Variants in VGLL3 observed in about 807,000 individuals in gnomAD.
The protein encoded by VGLL3 is transcription cofactor vestigial-like protein 3.
VGLL3 carries 18 observed loss-of-function variants against 29.2 expected under a neutral mutation model. The observed-to-expected ratio is 0.62, with a 90% CI of 0.43 to 0.91. The LOEUF (loss-of-function observed/expected upper bound fraction) is 0.91, where lower values mean the gene tolerates loss of function less well. VGLL3 is among the 40% of genes least tolerant of loss of function. The pLI is 0.00. For synonymous variants in VGLL3, 180 were observed against 151.8 expected (o/e 1.19, Z -1.36); for missense variants, 440 against 413.2 (o/e 1.06, Z -0.56).
chr3:86,970,711 C>T (rs940826926), intron 2 of VGLL3, among the ~76,000 whole-genome samples: 11 of 152,064 alleles, frequency 7.2e-5, no homozygotes, highest in Non-Finnish European at 1.5e-4. Context: ...GTAAGTGACA[C>T]AGTCAAATCC....
At chr3:86,978,253 C>A (rs1193605582) in intron 2 of VGLL3, among the ~76,000 whole-genome samples, 1 of 152,270 alleles carries the variant, frequency 6.6e-6, no homozygotes, top group East Asian at 1.9e-4. Context: ...AATGGTACTT[C>A]GCAGCTCAGT....
chr3:86,978,145 C>T (rs1705247448), intron 2 of VGLL3, among the ~76,000 whole-genome samples: 1 of 152,214 alleles, frequency 6.6e-6, no homozygotes, highest in African/African-American at 2.4e-5. Context: ...TATGTCACCA[C>T]ATAGCACCTA....
In VGLL3 at chr3:86,945,858, C is replaced by CTGTTTGTTTGTT. The variant is rs150596407; in HGVS notation, c.*1154_*1165dup. Reference sequence around the variant, plus strand: ...TGTGTTGAAACTATTATATATAGAACTGTTTGTTTGTTTGTTTGTTTGTTT... The same window carrying CTGTTTGTTTGTT: ...TGTGTTGAAACTATTATATATAGAACTGTTTGTTTGTTTGTTTGTTTGTTTGTTTGTTTGTTT... On this transcript the variant is annotated 3_prime_UTR_variant, in exon 4 of 4. Coordinates refer to ENST00000398399, the MANE Select transcript of VGLL3 (RefSeq NM_016206.4). The CTGTTTGTTTGTT allele has an allele frequency of 6.6e-6, 1 of 151,656 alleles. No homozygotes were observed. The highest frequency in any genetic ancestry group is 1.5e-5 in the Non-Finnish European group (1 of 67,918). The allele number at this position is 151,656 out of a possible 1,614,324, so 9.4% of individuals were successfully genotyped here.
chr3:86,987,470 T>C (rs1705472089), intron 1 of VGLL3, among the ~76,000 whole-genome samples: 1 of 152,150 alleles, frequency 6.6e-6, no homozygotes, highest in South Asian at 2.1e-4. Context: ...CATGCACAAT[T>C]AGAAAACCAG....
intron 2 of VGLL3, 64 bp from the exon 3 acceptor site, chr3:86,969,187 C>T (rs1397631726): frequency 3.4e-6 from 5 of 1,490,798 alleles, no homozygotes; most frequent in East Asian, 4.6e-5. Context: ...AGACTTGCCT[C>T]TAATTGTCCA....
chr3:86,974,453 C>G (rs1001639891), intron 2 of VGLL3, among the ~76,000 whole-genome samples: 5 of 152,120 alleles, frequency 3.3e-5, no homozygotes, highest in African/African-American at 9.7e-5. Context: ...AAATGAAATT[C>G]TTTCAACCCT....
chr3:86,980,743 C>G (rs189169071), intron 1 of VGLL3, among the ~76,000 whole-genome samples: 2 of 151,848 alleles, frequency 1.3e-5, no homozygotes, highest in African/African-American at 4.8e-5. Flanking sequence ...GCTGCTTCTT[C>G]GGGTGCATGT....
rs1218007358 is a variant in VGLL3, at chr3:86,939,615, C to T, written c.*7409G>A. 1 of 153,156 alleles carries T rather than the reference C, an allele frequency of 6.5e-6. No homozygotes were observed. The highest frequency in any genetic ancestry group is 1.5e-5 in the Non-Finnish European group (1 of 68,938). 9.5% of individuals were successfully genotyped at this position (153,156 alleles called of 1,614,324 possible). On this transcript the variant is annotated 3_prime_UTR_variant, in exon 4 of 4. Coordinates refer to ENST00000398399, the MANE Select transcript of VGLL3 (RefSeq NM_016206.4). The stretch of plus-strand genomic sequence containing the variant: ...ACTCCAGCCTGACGACAGAGCAAGA[C>T]TCCATCAAAACAAAACAAAACAAAA...
chr3:86,990,683 TG>T lies in VGLL3; in HGVS notation c.60del (p.Asn21ThrfsTer25). 7.2e-7 allele frequency: 1 copy of T among 1,395,982 alleles called. No individual in the cohort carries two copies. Among genetic ancestry groups the T allele is most frequent in the Non-Finnish European group, 9.3e-7 (1 of 1,070,360 alleles). 86.5% of individuals were successfully genotyped at this position (1,395,982 alleles called of 1,614,324 possible). ...GGGCAGGTTGTCGCTGCCATGGGGT[TG>T]GGCAGATACTGGGACGCTCCATAAG... is the stretch of plus-strand genomic sequence containing the variant. ...PQPYGASQYL[P>X]NPMAATTCPT... On this transcript the variant is annotated frameshift_variant, in exon 1 of 4. Coordinates refer to ENST00000398399, the MANE Select transcript of VGLL3 (RefSeq NM_016206.4). LOFTEE classifies it high-confidence loss of function.
intron 1 of VGLL3, among the ~76,000 whole-genome samples, chr3:86,987,012 C>T (rs1238704863): frequency 6.6e-6 from 1 of 151,852 alleles, no homozygotes; most frequent in Non-Finnish European, 1.5e-5. Flanking sequence ...CAAAAATAAG[C>T]CTATTGTGCA....
chr3:86,949,062 TG>T (rs2106960634), intron 3 of VGLL3, among the ~76,000 whole-genome samples: 1 of 152,374 alleles, frequency 6.6e-6, no homozygotes, highest in Non-Finnish European at 1.5e-5. Flanking sequence ...ATCTACAGAA[TG>T]TCAGCACTGC....
Position 86,958,519 on chromosome 3 carries a change from TC to T in VGLL3, c.937+10070del, listed in dbSNP as rs1428462403. On this transcript the variant is annotated intron_variant, in intron 3 of 3. Transcript: ENST00000398399. ...AAGTAGGAGAAGAATCTGAGGCAAA[TC>T]CCCATACTTTAGGCATTGTGACATT... 2.6e-5 allele frequency among the ~76,000 whole-genome samples: 4 copies of T among 152,176 alleles called. No homozygotes were observed. The East Asian group carries it at 7.7e-4, about 29-fold the overall frequency.
intron 3 of VGLL3, among the ~76,000 whole-genome samples, chr3:86,957,077 A>C (rs1337050273): frequency 6.6e-6 from 1 of 152,118 alleles, no homozygotes; most frequent in African/African-American, 2.4e-5. Context: ...CGTAAGCATA[A>C]TGGGATAGGT....
rs1466214496 is a variant in VGLL3, at chr3:86,943,275, G to T, written c.*3749C>A. The T allele has an allele frequency of 1.3e-5, 2 of 152,022 alleles. No individual in the cohort carries two copies. Among genetic ancestry groups the T allele is most frequent in the Non-Finnish European group, 2.9e-5 (2 of 68,010 alleles). The allele number at this position is 152,022 out of a possible 1,614,324, so 9.4% of individuals were successfully genotyped here. A position where few individuals can be genotyped will look rare whatever the true frequency, so the allele number is the denominator to read the frequency against. On this transcript the variant is annotated 3_prime_UTR_variant, in exon 4 of 4. Transcript: ENST00000398399. ...CCACTGCCCCCATCGGCTTAATTCA[G>T]CAAACACTATTTAAAGAAGGGACAC...
intron 3 of VGLL3, chr3:86,961,951 T>C: frequency 1.0e-6 from 1 of 981,404 alleles, no homozygotes; most frequent in South Asian, 4.7e-5. Flanking sequence ...AAACATTTTA[T>C]ATGCTATAGG....
chr3:86,948,281 G>T (rs1218998897), intron 3 of VGLL3, among the ~76,000 whole-genome samples: 2 of 152,140 alleles, frequency 1.3e-5, no homozygotes, highest in Non-Finnish European at 2.9e-5. Flanking sequence ...TTGTCTGCTT[G>T]ACCTTTGATC....
chr3:86,962,068 T>A, intron 3 of VGLL3: 1 of 985,402 alleles, frequency 1.0e-6, no homozygotes, highest in Non-Finnish European at 1.2e-6. Flanking sequence ...TCTGAGTATT[T>A]TTCCTATGGA....
rs553111540 is a variant in VGLL3 at position 86,952,406 on chromosome 3, C to T, written c.938-5339G>A. Among the ~76,000 whole-genome samples the T allele has an allele frequency of 1.7e-4, 26 of 152,260 alleles. 1 individual carries two copies. The South Asian group carries it at 5.4e-3, about 32-fold the overall frequency. ...CTGAGAAAGTATAGTCATTTAACAACACCACTGATCATGGCTCTTTTAAGT... is the reference window on the plus strand; with the variant it reads ...CTGAGAAAGTATAGTCATTTAACAATACCACTGATCATGGCTCTTTTAAGT... On this transcript the variant is annotated intron_variant, in intron 3 of 3. Transcript: ENST00000398399.
At chr3:86,987,907 G>C (rs1705486402) in intron 1 of VGLL3, among the ~76,000 whole-genome samples, 2 of 152,182 alleles carry the variant, frequency 1.3e-5, no homozygotes, top group South Asian at 4.1e-4. Context: ...AATTTCAGGT[G>C]CACATTTGTG....
Sources: allele counts gnomAD v4.1 joint callset (sites outside exome capture counted in the v4.1 genomes callset), GRCh38; gene constraint gnomAD v4.1.1; transcripts MANE v1.5; gene names NCBI Gene and HGNC (gene_info 2026-07-23, HGNC 2026-07-21).